Variants in JAKMIP1 observed in about 807,000 individuals in gnomAD.
The protein encoded by JAKMIP1 is janus kinase and microtubule interacting protein 1.
JAKMIP1 carries 33 observed loss-of-function variants against 113.0 expected under a neutral mutation model. That is an observed-to-expected ratio of 0.29 (90% CI 0.22 to 0.39). The LOEUF is 0.39. Ranked by LOEUF, JAKMIP1 falls within the 10% of genes least tolerant of loss-of-function variation. The pLI, the probability that JAKMIP1 is intolerant of heterozygous loss-of-function variation, is 1.00. For synonymous variants in JAKMIP1, 480 were observed against 459.9 expected (o/e 1.04, Z -0.56); for missense variants, 813 against 1,080.5 (o/e 0.75, Z 3.47).
Position 6,081,568 on chromosome 4 carries a change from A to G in JAKMIP1, c.1101+41T>C, listed in dbSNP as rs1720551506. The G allele has an allele frequency of 1.2e-6, 2 of 1,610,540 alleles. No homozygotes were observed. Among genetic ancestry groups the G allele is most frequent in the African/African-American group, 1.3e-5 (1 of 74,818 alleles). On this transcript the variant is annotated intron_variant, in intron 6 of 20. Transcript: ENST00000409021. The surrounding 1 kb of genome is among the most constrained non-coding windows in gnomAD (Gnocchi z 4.6). ...CAGGGCTGAAGAATCCCAGACAGAG[A>G]AGGGAGTGTCAGGGCTGTCCCCAAG...
At chr4:6,038,600 C>A (rs1000000893) in intron 18 of JAKMIP1, among the ~76,000 whole-genome samples, 7 of 152,262 alleles carry the variant, frequency 4.6e-5, no homozygotes, top group African/African-American at 1.7e-4. Context: ...TTCAAGTCTC[C>A]TCTGGCTTCT....
chr4:6,037,704 T>G (rs1318823429), intron 18 of JAKMIP1, among the ~76,000 whole-genome samples: 217 of 70,328 alleles, frequency 3.1e-3, no homozygotes, highest in Middle Eastern at 0.023. Flanking sequence ...CATCACTGAG[T>G]CAGAGGTTAA....
chr4:6,046,493 C>A (rs112715682), intron 16 of JAKMIP1, among the ~76,000 whole-genome samples: 1 of 152,034 alleles, frequency 6.6e-6, no homozygotes, highest in African/African-American at 2.4e-5. Flanking sequence ...CAGGCTAGGG[C>A]GACTGGCACA....
chr4:6,063,868 C>G (rs937698463), intron 9 of JAKMIP1, among the ~76,000 whole-genome samples: 2 of 152,220 alleles, frequency 1.3e-5, no homozygotes, highest in African/African-American at 2.4e-5. Flanking sequence ...GCTGCAGTGC[C>G]CAGTCCCTCA....
chr4:6,042,545 G>A lies in JAKMIP1; in HGVS notation c.2029-318C>T, dbSNP rs1262039578. Reference sequence around the variant, plus strand: ...GAGGAAGTGGTGTGGTATAGCTGATGTCAATGAGTGCCTGCTCTGTGCTGA... The same window carrying A: ...GAGGAAGTGGTGTGGTATAGCTGATATCAATGAGTGCCTGCTCTGTGCTGA... On this transcript the variant is annotated intron_variant, in intron 16 of 20. Transcript: ENST00000409021. The surrounding 1 kb of genome is among the most constrained non-coding windows in gnomAD (Gnocchi z 5.2). 6.6e-6 allele frequency among the ~76,000 whole-genome samples: 1 copy of A among 152,056 alleles called. No individual in the cohort carries two copies. Among genetic ancestry groups the A allele is most frequent in the East Asian group, 1.9e-4 (1 of 5,164 alleles).
intron 1 of JAKMIP1, among the ~76,000 whole-genome samples, chr4:6,114,737 C>A (rs944265977): frequency 6.6e-6 from 1 of 152,238 alleles, no homozygotes; most frequent in Non-Finnish European, 1.5e-5. Flanking sequence ...GAACTCCATT[C>A]GCCTTGATCT....
intron 1 of JAKMIP1, among the ~76,000 whole-genome samples, chr4:6,189,710 G>A (rs533979987): frequency 1.6e-4 from 25 of 152,290 alleles, no homozygotes; most frequent in African/African-American, 5.3e-4. Context: ...AGAGGGTGGC[G>A]TAGGGCAGTG....
At chr4:6,098,205 T>C (rs1489867115) in intron 3 of JAKMIP1, among the ~76,000 whole-genome samples, 4 of 152,088 alleles carry the variant, frequency 2.6e-5, no homozygotes, top group Non-Finnish European at 4.4e-5. Context: ...CCAAGACAGG[T>C]GGATCACCTG....
At position 6,184,973 on chromosome 4, in the gene JAKMIP1, C is replaced by T. The variant is rs544024491; in HGVS notation, c.-148+15280G>A. 6.6e-6 allele frequency among the ~76,000 whole-genome samples: 1 copy of T among 152,306 alleles called. No homozygotes were observed. Among genetic ancestry groups the T allele is most frequent in the East Asian group, 1.9e-4 (1 of 5,176 alleles). On this transcript the variant is annotated intron_variant, in intron 1 of 20. Coordinates refer to ENST00000409021, the MANE Select transcript of JAKMIP1 (RefSeq NM_001099433.2). This position sits in a 1 kb window ranked among gnomAD's most constrained non-coding sequence, Gnocchi z 4.5. ...GAGTCTTCCGGCCTCCATCTTTCTCCCGTGCTGGATGCTTCCTCCCCTCGA... is the reference window on the plus strand; with the variant it reads ...GAGTCTTCCGGCCTCCATCTTTCTCTCGTGCTGGATGCTTCCTCCCCTCGA...
At position 6,108,869 on chromosome 4, in the gene JAKMIP1, T is replaced by G. The variant is rs1178560531; in HGVS notation, c.130-2902A>C. ...CATCTGTAAGAACTCATGTTTGACT[T>G]TGTATGGATATAGATGTCATATATG... On this transcript the variant is annotated intron_variant, in intron 2 of 20. Transcript: ENST00000409021. The surrounding 1 kb of genome is among the most constrained non-coding windows in gnomAD (Gnocchi z 5.6). 6.6e-6 allele frequency among the ~76,000 whole-genome samples: 1 copy of G among 152,234 alleles called. No individual in the cohort carries two copies. The highest frequency in any genetic ancestry group is 6.5e-5 in the Admixed American group (1 of 15,290).
In JAKMIP1 at chr4:6,141,600, C is replaced by T. The variant is rs1300226632; in HGVS notation, c.-147-28603G>A. ...GGGCAACAGCACCTATGCCCCAGGGCCTGGCCTGTGAATGCCCTTTCTCCT... is the reference window on the plus strand; with the variant it reads ...GGGCAACAGCACCTATGCCCCAGGGTCTGGCCTGTGAATGCCCTTTCTCCT... On this transcript the variant is annotated intron_variant, in intron 1 of 20. Transcript: ENST00000409021. This position sits in a 1 kb window ranked among gnomAD's most constrained non-coding sequence, Gnocchi z 9.4. Among the ~76,000 whole-genome samples the T allele has an allele frequency of 2.0e-5, 3 of 152,232 alleles. No individual in the cohort carries two copies. The highest frequency in any genetic ancestry group is 1.3e-4 in the Admixed American group (2 of 15,284).
At chr4:6,191,289 C>G (rs1727230121) in intron 1 of JAKMIP1, among the ~76,000 whole-genome samples, 1 of 152,102 alleles carries the variant, frequency 6.6e-6, no homozygotes, top group Non-Finnish European at 1.5e-5. Context: ...GGCTCACAGC[C>G]AGAGACACAG....
chr4:6,186,747 T>C lies in JAKMIP1; in HGVS notation c.-148+13506A>G, dbSNP rs1726695075. Among the ~76,000 whole-genome samples, 1 of 152,206 alleles carries C rather than the reference T, an allele frequency of 6.6e-6. No individual in the cohort carries two copies. The highest frequency in any genetic ancestry group is 2.4e-5 in the African/African-American group (1 of 41,458). Reference sequence around the variant, plus strand: ...CCTTGTTGACCTCCTGTAGAGTTGTTCTATCTGTTATTGAAAGTGGGTGTT... The same window carrying C: ...CCTTGTTGACCTCCTGTAGAGTTGTCCTATCTGTTATTGAAAGTGGGTGTT... On this transcript the variant is annotated intron_variant, in intron 1 of 20. Coordinates refer to ENST00000409021, the MANE Select transcript of JAKMIP1 (RefSeq NM_001099433.2). The surrounding 1 kb of genome is among the most constrained non-coding windows in gnomAD (Gnocchi z 5.5).
At chr4:6,195,032 A>C (rs1416348432) in intron 1 of JAKMIP1, among the ~76,000 whole-genome samples, 1 of 152,212 alleles carries the variant, frequency 6.6e-6, no homozygotes, top group East Asian at 1.9e-4. Context: ...TCCGTTCTTT[A>C]GTCTCATCCT....
rs958300725 is a variant in JAKMIP1 at position 6,080,033 on chromosome 4, G to A, written c.1242+139C>T. 1 of 914,934 alleles carries A rather than the reference G, an allele frequency of 1.1e-6. No homozygotes were observed. The highest frequency in any genetic ancestry group is 1.7e-5 in the African/African-American group (1 of 59,434). The allele number at this position is 914,934 out of a possible 1,614,324, so 56.7% of individuals were successfully genotyped here. On this transcript the variant is annotated intron_variant, in intron 7 of 20. Transcript: ENST00000409021. This position sits in a 1 kb window ranked among gnomAD's most constrained non-coding sequence, Gnocchi z 6.0. ...GGAATGTGCACACCAGGGTGAGCTT[G>A]GTGAGTCCCAAAGTCAGCACTGCCT...
Position 6,036,043 on chromosome 4 carries a change from C to A in JAKMIP1, c.2240G>T (p.Gly747Val). The A allele has an allele frequency of 6.4e-7, 1 of 1,555,354 alleles. No individual in the cohort carries two copies. The highest frequency in any genetic ancestry group is 8.7e-7 in the Non-Finnish European group (1 of 1,149,098). ...CCGCTGGCCCTCGCTCAGCGCCTCACCGGCCCTCCGCCCCGGCTCCTGCTG... is the reference window on the plus strand; with the variant it reads ...CCGCTGGCCCTCGCTCAGCGCCTCAACGGCCCTCCGCCCCGGCTCCTGCTG... ...ALQQEPGRRA[G>V]EALSEGQRED... The change falls in exon 19 of 21, where the codon GGT becomes GTT. Residue 747 changes from glycine to valine, a missense_variant. Transcript: ENST00000409021.
chr4:6,071,843 TCCCCGAGTCCTTTACCAAAGGG>T (rs1012407295), intron 8 of JAKMIP1, among the ~76,000 whole-genome samples: 2 of 152,140 alleles, frequency 1.3e-5, no homozygotes, highest in African/African-American at 4.8e-5. Context: ...ACCCACATCT[TCCCCGAGTCCTTTACCAAAGGG>T]CCCCCAGCAG....
At chr4:6,058,889 G>A (rs1409103644) in intron 11 of JAKMIP1, among the ~76,000 whole-genome samples, 1 of 152,224 alleles carries the variant, frequency 6.6e-6, no homozygotes, top group Non-Finnish European at 1.5e-5. Flanking sequence ...GAGGGAAACT[G>A]AGGCTAGCAG....
rs73073477 is a variant in JAKMIP1 at position 6,098,035 on chromosome 4, C to T, written c.624+7438G>A. 3.9e-3 allele frequency among the ~76,000 whole-genome samples: 593 copies of T among 152,274 alleles called. 1 individual carries two copies. The highest frequency in any genetic ancestry group is 0.014 in the African/African-American group (573 of 41,556). Reference sequence around the variant, plus strand: ...AAAGTGTAGTGTCGAGTTTGGAGTTCGAGAACATGGTTCTGATACGCATGA... The same window carrying T: ...AAAGTGTAGTGTCGAGTTTGGAGTTTGAGAACATGGTTCTGATACGCATGA... On this transcript the variant is annotated intron_variant, in intron 3 of 20. Transcript: ENST00000409021.
Sources: gnomAD v4.1 joint callset for allele counts (sites outside exome capture counted in the v4.1 genomes callset) on GRCh38, gnomAD v4.1.1 for gene constraint, Gnocchi (gnomAD v3.1) non-coding constraint, MANE v1.5 for transcripts, NCBI Gene and HGNC (gene_info 2026-07-23, HGNC 2026-07-21) for gene names.